The following DEPDC5 variants were observed in gnomAD, a reference collection of about 807,000 sequenced individuals.
The protein encoded by DEPDC5 is DEP domain containing 5, GATOR1 subcomplex subunit, also known as GATOR1 complex protein DEPDC5.
Under a neutral mutation model 217.3 loss-of-function variants are expected in DEPDC5, and 73 were observed. The ratio of observed to expected loss-of-function variants is 0.34; its 90% CI spans 0.28 to 0.41. The LOEUF (loss-of-function observed/expected upper bound fraction) is 0.41. DEPDC5 is among the 10% of genes least tolerant of loss of function. DEPDC5 has a pLI of 1.00. For missense variants in DEPDC5, 1,675 were observed against 2,070.1 expected (o/e 0.81, Z 3.70); for synonymous variants, 733 against 756.7 (o/e 0.97, Z 0.51).
intron 40 of DEPDC5, among the ~76,000 whole-genome samples, chr22:31,899,108 G>A (rs77465791): frequency 6.6e-6 from 1 of 152,338 alleles, no homozygotes; most frequent in African/African-American, 2.4e-5. Flanking sequence ...GGCTGGCGTT[G>A]GAGGACATTT....
chr22:31,838,317 A>G (rs1326138954), intron 26 of DEPDC5, among the ~76,000 whole-genome samples: 1 of 151,902 alleles, frequency 6.6e-6, no homozygotes, highest in Non-Finnish European at 1.5e-5. Context: ...TCTCTTTTAT[A>G]TACTGTCATC....
At chr22:31,756,299 T>C (rs531187753) in intron 2 of DEPDC5, among the ~76,000 whole-genome samples, 7 of 152,312 alleles carry the variant, frequency 4.6e-5, no homozygotes, top group Admixed American at 2.0e-4. Flanking sequence ...TCATAGAGCA[T>C]TGTGAGGCTT....
At chr22:31,844,702 CTTTTTT>C (rs136860) in intron 29 of DEPDC5, 95 of 131,632 alleles carry the variant, frequency 7.2e-4, no homozygotes, top group Non-Finnish European at 9.1e-4. Context: ...CTTCAGAGCT[CTTTTTT>C]TTTTTTTTTT....
intron 24 of DEPDC5, among the ~76,000 whole-genome samples, chr22:31,833,362 T>TA (rs1421632980): frequency 3.3e-5 from 5 of 152,212 alleles, no homozygotes; most frequent in Non-Finnish European, 7.3e-5. Flanking sequence ...GTTTTTATGT[T>TA]AAAGTAGTGA....
At chr22:31,802,193 G>A (rs2086944450) in intron 14 of DEPDC5, among the ~76,000 whole-genome samples, 1 of 143,742 alleles carries the variant, frequency 7.0e-6, no homozygotes, top group African/African-American at 2.6e-5. Context: ...GCAGTGGCAC[G>A]ATCTTGGCTC....
chr22:31,764,518 C>T (rs372920740), intron 4 of DEPDC5, among the ~76,000 whole-genome samples: 6 of 152,184 alleles, frequency 3.9e-5, no homozygotes, highest in African/African-American at 4.8e-5. Context: ...GGGGTTCAAG[C>T]GATTTGTATG....
At position 31,785,133 on chromosome 22, in the gene DEPDC5, A is replaced by G. The variant is rs542493424; in HGVS notation, c.624+258A>G. 193 of 370,218 alleles carry G rather than the reference A, an allele frequency of 5.2e-4. 2 individuals are homozygous for G. The South Asian group carries it at 7.1e-3, about 14-fold the overall frequency. 22.9% of individuals were successfully genotyped at this position (370,218 alleles called of 1,614,324 possible). On this transcript the variant is annotated intron_variant, in intron 10 of 42. Coordinates refer to ENST00000651528, the MANE Select transcript of DEPDC5 (RefSeq NM_001242896.3). The stretch of plus-strand genomic sequence containing the variant: ...GTAAGTATGCTTGCTTTTGCCACTG[A>G]TATTCAACATTATACTAACTAGAAG...
chr22:31,847,176 A>C (rs890393074), intron 31 of DEPDC5, among the ~76,000 whole-genome samples: 8 of 152,244 alleles, frequency 5.3e-5, no homozygotes, highest in African/African-American at 1.9e-4. Flanking sequence ...ATTGGGACTT[A>C]ATTTTAATTA....
At chr22:31,773,573 A>G (rs1237338696) in intron 7 of DEPDC5, among the ~76,000 whole-genome samples, 17 of 152,204 alleles carry the variant, frequency 1.1e-4, no homozygotes, top group Non-Finnish European at 1.3e-4. Flanking sequence ...ACAGTCTTCT[A>G]TCTTTTCTCC....
At chr22:31,786,952 G>T (rs2085059792) in intron 10 of DEPDC5, among the ~76,000 whole-genome samples, 1 of 151,960 alleles carries the variant, frequency 6.6e-6, no homozygotes, top group Non-Finnish European at 1.5e-5. Context: ...CTAATTTTTT[G>T]TATTTTTACT....
chr22:31,832,003 A>G (rs896510651), intron 24 of DEPDC5, among the ~76,000 whole-genome samples: 1 of 152,188 alleles, frequency 6.6e-6, no homozygotes, highest in African/African-American at 2.4e-5. Context: ...CCAGCATGTA[A>G]CATACATGGA....
At chr22:31,780,219 A>G (rs535165055) in intron 8 of DEPDC5, among the ~76,000 whole-genome samples, 4 of 152,256 alleles carry the variant, frequency 2.6e-5, no homozygotes, top group African/African-American at 9.6e-5. Context: ...AGCTATAACA[A>G]TGGAAGGATG....
At position 31,761,839 on chromosome 22, in the gene DEPDC5, G is replaced by A. The variant is rs150038834; in HGVS notation, c.193+1137G>A. Among the ~76,000 whole-genome samples the A allele has an allele frequency of 1.1e-4, 16 of 151,680 alleles. No individual in the cohort carries two copies. In the East Asian group the frequency reaches 3.1e-3, roughly 29 times the overall value. ...AAATATTAGCCGGGTGTGGTGGCAT[G>A]CACCTATAATCCTAGCTACCCTGGA... On this transcript the variant is annotated intron_variant, in intron 4 of 42. Coordinates refer to ENST00000651528, the MANE Select transcript of DEPDC5 (RefSeq NM_001242896.3).
At chr22:31,835,710 A>G (rs1438495002) in intron 25 of DEPDC5, among the ~76,000 whole-genome samples, 2 of 152,224 alleles carry the variant, frequency 1.3e-5, no homozygotes, top group African/African-American at 4.8e-5. Flanking sequence ...TGCCATATAG[A>G]AAAATGGAGA....
At chr22:31,831,091 T>A (rs1009560951) in intron 24 of DEPDC5, 1 of 151,962 alleles carries the variant, frequency 6.6e-6, no homozygotes, top group Admixed American at 6.6e-5. Context: ...GGCTTTTGGC[T>A]ATTGACAAAG....
intron 24 of DEPDC5, chr22:31,822,997 C>A (rs1029105410): frequency 7.6e-6 from 4 of 524,166 alleles, no homozygotes. Flanking sequence ...ACATGTTGGT[C>A]AAGCCACATT....
chr22:31,907,881 T>A lies in DEPDC5; in HGVS notation c.*1384T>A, dbSNP rs1569261602. ...GATTTGCCTCCTCAATGGCTTTGCA[T>A]CCATTCTCTTCTTCCCAGGCCCTGA... On this transcript the variant is annotated 3_prime_UTR_variant, in exon 43 of 43. Coordinates refer to ENST00000651528, the MANE Select transcript of DEPDC5 (RefSeq NM_001242896.3). 1 of 152,228 alleles carries A rather than the reference T, an allele frequency of 6.6e-6. No individual in the cohort carries two copies. Among genetic ancestry groups the A allele is most frequent in the Non-Finnish European group, 1.5e-5 (1 of 68,052 alleles). The allele number at this position is 152,228 out of a possible 1,614,324, so 9.4% of individuals were successfully genotyped here.
At chr22:31,774,064 CCT>C (rs1347570602) in intron 7 of DEPDC5, among the ~76,000 whole-genome samples, 1 of 151,954 alleles carries the variant, frequency 6.6e-6, no homozygotes, top group Non-Finnish European at 1.5e-5. Flanking sequence ...AGAACGAAAC[CCT>C]GTCTCAAAAA....
intron 37 of DEPDC5, among the ~76,000 whole-genome samples, chr22:31,876,620 G>T (rs1407830866): frequency 6.6e-6 from 1 of 152,034 alleles, no homozygotes; most frequent in Non-Finnish European, 1.5e-5. Context: ...TATTATCATG[G>T]GCTCCAGTCT....
Sources: gnomAD v4.1 joint callset for allele counts (sites outside exome capture counted in the v4.1 genomes callset) on GRCh38, gnomAD v4.1.1 for gene constraint, MANE v1.5 for transcripts, NCBI Gene and HGNC (gene_info 2026-07-23, HGNC 2026-07-21) for gene names.